The following CDON variants were observed in gnomAD, a reference collection of about 807,000 sequenced individuals.
CDON encodes the protein cell adhesion associated, oncogene regulated, also known as cell adhesion molecule-related/down-regulated by oncogenes.
Under a neutral mutation model 120.9 loss-of-function variants are expected in CDON, and 73 were observed. That is an observed-to-expected ratio of 0.60 (90% CI 0.50 to 0.73). The LOEUF (loss-of-function observed/expected upper bound fraction) is 0.73. Among genes scored for constraint, CDON ranks in the 30% least tolerant of loss-of-function variants. The pLI is 0.00. For synonymous variants in CDON, 566 were observed against 573.5 expected (o/e 0.99, Z 0.19); for missense variants, 1,470 against 1,587.3 (o/e 0.93, Z 1.26).
intron 15 of CDON, among the ~76,000 whole-genome samples, chr11:125,986,646 T>A (rs750263677): frequency 6.6e-6 from 1 of 151,782 alleles, no homozygotes; most frequent in Non-Finnish European, 1.5e-5. Flanking sequence ...GTGCCTGTAG[T>A]CCCAGCTACT....
Position 125,957,594 on chromosome 11 carries a change from A to C in CDON, c.*3348T>G, listed in dbSNP as rs1591534776. On this transcript the variant is annotated 3_prime_UTR_variant, in exon 20 of 20. Transcript: ENST00000531738. ...AAACATACTTTTCAATATGATACAA[A>C]GCATGCATCTCAAAGTCATTACTTT... 6.6e-6 allele frequency: 1 copy of C among 152,258 alleles called. No individual in the cohort carries two copies. Among genetic ancestry groups the C allele is most frequent in the East Asian group, 1.9e-4 (1 of 5,200 alleles). 9.4% of individuals were successfully genotyped at this position (152,258 alleles called of 1,614,324 possible).
At chr11:125,983,163 C>G (rs1042720937) in intron 16 of CDON, among the ~76,000 whole-genome samples, 1 of 152,112 alleles carries the variant, frequency 6.6e-6, no homozygotes, top group African/African-American at 2.4e-5. Context: ...AAAACTTCCT[C>G]CCACCAAAGA....
At chr11:126,019,497 AGTCCTCTCCACT>A (rs1173075889) in intron 4 of CDON, 110 bp downstream of exon 4, 2 of 1,017,274 alleles carry the variant, frequency 2.0e-6, no homozygotes, top group Non-Finnish European at 3.0e-6. Flanking sequence ...CATTTGTTTT[AGTCCTCTCCACT>A]CATGCCTTCT....
At chr11:126,030,464 G>A (rs1947914044) in intron 1 of CDON, among the ~76,000 whole-genome samples, 2 of 152,106 alleles carry the variant, frequency 1.3e-5, no homozygotes, top group African/African-American at 2.4e-5. Context: ...GGAAATAACT[G>A]TGATTAATTT....
Position 126,001,749 on chromosome 11 carries a change from C to T in CDON, c.2128G>A (p.Val710Ile), listed in dbSNP as rs765777189. ...CTGTGCCTAGAGGAATCTGTAAGTA[C>T]CACTCCAAAATTGTTGTTTGCAGCC... ...SEAANNNFGV[V>I]LTDSSRHSGV... The change falls in exon 11 of 20, where the codon GTA (valine) becomes ATA (isoleucine). Residue 710 changes from valine to isoleucine, a missense_variant. Coordinates refer to ENST00000531738, the MANE Select transcript of CDON (RefSeq NM_001378964.1). 5.6e-6 allele frequency: 9 copies of T among 1,613,472 alleles called. No homozygotes were observed. In the African/African-American group the frequency reaches 1.2e-4, roughly 22 times the overall value.
chr11:125,982,763 A>T (rs992621603), intron 16 of CDON, among the ~76,000 whole-genome samples: 2 of 152,206 alleles, frequency 1.3e-5, no homozygotes, highest in Non-Finnish European at 2.9e-5. Flanking sequence ...CGACCAGATT[A>T]ATGTTCTCTT....
intron 5 of CDON, 135 bp downstream of exon 5, chr11:126,018,195 T>C (rs1947527189): frequency 2.2e-6 from 2 of 920,196 alleles, no homozygotes; most frequent in South Asian, 2.8e-5. Context: ...CCACCACACC[T>C]AGCCTGTATT....
intron 18 of CDON, among the ~76,000 whole-genome samples, chr11:125,963,633 TAATTTA>T (rs1405622763): frequency 5.3e-5 from 8 of 152,228 alleles, no homozygotes; most frequent in Admixed American, 6.5e-5. Context: ...ACCAAATCTT[TAATTTA>T]AATAACTCCA....
intron 1 of CDON, among the ~76,000 whole-genome samples, chr11:126,059,590 C>T (rs1300673983): frequency 2.0e-5 from 3 of 151,674 alleles, no homozygotes; most frequent in South Asian, 2.1e-4. Context: ...CTCAGGTGCT[C>T]GCTAATGGAA....
intron 1 of CDON, among the ~76,000 whole-genome samples, chr11:126,025,525 G>A (rs926477615): frequency 4.1e-5 from 5 of 123,058 alleles, no homozygotes; most frequent in African/African-American, 1.9e-4. Flanking sequence ...TGGTTTGTTT[G>A]TGGGGGGTGT....
chr11:126,020,612 T>C (rs1454104384), intron 3 of CDON, among the ~76,000 whole-genome samples: 1 of 152,188 alleles, frequency 6.6e-6, no homozygotes, highest in African/African-American at 2.4e-5. Flanking sequence ...GTTCTGTAAA[T>C]AGGGGTGCCC....
In CDON at chr11:126,005,858, GC is replaced by G; in HGVS notation, c.1751del (p.Ser584ThrfsTer30). On this transcript the variant is annotated frameshift_variant, in exon 9 of 20. Transcript: ENST00000531738. LOFTEE classifies it high-confidence loss of function. ...TGTCTGGTGTGTGGGTCTGTGGGGGGCTCAGTATGATGGGGGCATCAGGAAC... is the reference window on the plus strand; with the variant it reads ...TGTCTGGTGTGTGGGTCTGTGGGGGGTCAGTATGATGGGGGCATCAGGAAC... ...ISVPDAPIIL[S>X]PPQTHTPDTY... 1 of 1,613,984 alleles carries G rather than the reference GC, an allele frequency of 6.2e-7. No homozygotes were observed.
chr11:126,004,005 A>C lies in CDON; in HGVS notation c.1923T>G (p.His641Gln). The C allele has an allele frequency of 6.2e-7, 1 of 1,613,960 alleles. No homozygotes were observed. Among genetic ancestry groups the C allele is most frequent in the Non-Finnish European group, 8.5e-7 (1 of 1,179,944 alleles). The change falls in exon 10 of 20, where the codon CAT becomes CAG. Residue 641 changes from histidine to glutamine, a missense_variant. By Grantham distance (24) the His-to-Gln change is conservative. Transcript: ENST00000531738. ...VRVPGSENEL[H>Q]LAELEPSSLY... ...GACTAGATGGCTCCAGCTCAGCTAA[A>C]TGGAGCTCATTTTCACTTCCTGGGA...
At chr11:126,033,050 T>C (rs1236796502) in intron 1 of CDON, among the ~76,000 whole-genome samples, 4 of 152,152 alleles carry the variant, frequency 2.6e-5, no homozygotes, top group Admixed American at 6.5e-5. Context: ...TGGAAAAGAA[T>C]AGACCACTAG....
rs542698787 is a variant in CDON, at chr11:126,062,825, C to T, written c.-308G>A. The T allele has an allele frequency of 1.0e-3, 157 of 151,616 alleles. No homozygotes were observed. The highest frequency in any genetic ancestry group is 3.7e-3 in the African/African-American group (152 of 41,418). The allele number at this position is 151,616 out of a possible 1,614,324, so 9.4% of individuals were successfully genotyped here. ...TCTCCTCGCACCTAGCCGCGCGAGCCGGGCTCCCGGGCTCAGGGGAGGGGA... is the reference window on the plus strand; with the variant it reads ...TCTCCTCGCACCTAGCCGCGCGAGCTGGGCTCCCGGGCTCAGGGGAGGGGA... On this transcript the variant is annotated 5_prime_UTR_variant, in exon 1 of 20. Coordinates refer to ENST00000531738, the MANE Select transcript of CDON (RefSeq NM_001378964.1).
intron 12 of CDON, 41 bp downstream of exon 12, chr11:125,997,166 G>T: frequency 2.8e-6 from 4 of 1,407,110 alleles, no homozygotes; most frequent in Non-Finnish European, 2.0e-6. Context: ...TGGATCTAAA[G>T]TTCACATCGA....
At chr11:126,036,877 C>A (rs1948111755) in intron 1 of CDON, among the ~76,000 whole-genome samples, 1 of 152,136 alleles carries the variant, frequency 6.6e-6, no homozygotes, top group Non-Finnish European at 1.5e-5. Flanking sequence ...TTTGTAGAGA[C>A]AGGGTCTCAC....
intron 18 of CDON, among the ~76,000 whole-genome samples, chr11:125,973,945 G>A (rs189216031): frequency 9.6e-4 from 145 of 151,764 alleles, no homozygotes; most frequent in African/African-American, 3.5e-3. Context: ...GCCCAGCCTG[G>A]AGTGCAGTGG....
chr11:125,969,632 T>A (rs1945904777), intron 18 of CDON, among the ~76,000 whole-genome samples: 1 of 152,216 alleles, frequency 6.6e-6, no homozygotes. Flanking sequence ...AATCTTAAGT[T>A]TAAAAACATT....
Sources: allele counts gnomAD v4.1 joint callset (sites outside exome capture counted in the v4.1 genomes callset), GRCh38; gene constraint gnomAD v4.1.1; transcripts MANE v1.5; gene names NCBI Gene and HGNC (gene_info 2026-07-23, HGNC 2026-07-21).